Variants in KL observed in about 807,000 individuals in gnomAD.
KL encodes the protein klotho.
A neutral mutation model predicts 84.2 loss-of-function variants in KL; 62 were observed. The observed-to-expected ratio is 0.74, with a 90% confidence interval of 0.60 to 0.91. The LOEUF (loss-of-function observed/expected upper bound fraction) is 0.91, where lower values mean the gene tolerates loss of function less well. Ranked by LOEUF, KL falls within the 40% of genes least tolerant of loss-of-function variation. The pLI, the probability that KL is intolerant of heterozygous loss-of-function variation, is 0.00. For synonymous variants in KL, 528 were observed against 528.0 expected, an observed-to-expected ratio of 1.00 and a Z score of 0.00; for missense variants, 1,261 against 1,305.7, an observed-to-expected ratio of 0.97 and a Z score of 0.53.
rs143451760 is a variant in KL at position 33,024,785 on chromosome 13, C to T, written c.819+7526C>T. On this transcript the variant is annotated intron_variant, in intron 1 of 4. Coordinates refer to ENST00000380099, the MANE Select transcript of KL (RefSeq NM_004795.4). ...CATAGAGACCTGTGTCCCCTTGTTC[C>T]CATCAGGCCTTTATGCCAGCCCTGC... 5.3e-5 allele frequency among the ~76,000 whole-genome samples: 8 copies of T among 152,300 alleles called. No individual in the cohort carries two copies. The East Asian group carries it at 1.5e-3, about 29-fold the overall frequency.
Position 33,055,458 on chromosome 13 carries a change from A to G in KL, c.1599+143A>G, listed in dbSNP as rs568716870. The G allele has an allele frequency of 6.5e-5, 62 of 951,850 alleles. 1 individual carries two copies. Among genetic ancestry groups the G allele is most frequent in the African/African-American group, 6.3e-4 (39 of 61,966 alleles). 59.0% of individuals were successfully genotyped at this position (951,850 alleles called of 1,614,324 possible). A position where few individuals can be genotyped will look rare whatever the true frequency, so the allele number is the denominator to read the frequency against. On this transcript the variant is annotated intron_variant, in intron 3 of 4. Coordinates refer to ENST00000380099, the MANE Select transcript of KL (RefSeq NM_004795.4). The stretch of plus-strand genomic sequence containing the variant: ...TCCTTATGAGTACACTAAGGGCACA[A>G]TTTGGAATGCTGCACCCTTCTCTCC...
At chr13:33,017,619 T>C (rs1319194926) in intron 1 of KL, among the ~76,000 whole-genome samples, 2 of 152,178 alleles carry the variant, frequency 1.3e-5, no homozygotes, top group African/African-American at 4.8e-5. Flanking sequence ...GCAGGGTGGA[T>C]GAAAGAAACA....
chr13:33,060,889 C>T lies in KL; in HGVS notation c.1810C>T (p.Pro604Ser), dbSNP rs2138242649. The change falls in exon 4 of 5, where the codon CCT (proline) becomes TCT (serine). Residue 604 changes from proline to serine, a missense_variant. Coordinates refer to ENST00000380099, the MANE Select transcript of KL (RefSeq NM_004795.4). ...RFSLDWALIL[P>S]LGNQSQVNHT... ...CTCCCTGGACTGGGCCCTGATTCTCCCTCTGGGTAACCAGTCCCAGGTGAA... is the reference window on the plus strand; with the variant it reads ...CTCCCTGGACTGGGCCCTGATTCTCTCTCTGGGTAACCAGTCCCAGGTGAA... The T allele has an allele frequency of 6.2e-7, 1 of 1,614,224 alleles. No homozygotes were observed. Among genetic ancestry groups the T allele is most frequent in the East Asian group, 2.2e-5 (1 of 44,876 alleles).
chr13:33,061,683 G>C lies in KL; in HGVS notation c.2604G>C (p.Met868Ile), dbSNP rs374483654. The stretch of plus-strand genomic sequence containing the variant: ...AGTTCAAGTACGGAGACCTCCCCAT[G>C]TACATAATATCCAATGGAATCGATG... The part of the protein sequence containing the change: ...WLKFKYGDLP[M>I]YIISNGIDDG... The change falls in exon 4 of 5, where the codon ATG becomes ATC. Residue 868 changes from methionine (M) to isoleucine (I), a missense_variant. Coordinates refer to ENST00000380099, the MANE Select transcript of KL (RefSeq NM_004795.4). 1.1e-5 allele frequency: 17 copies of C among 1,614,090 alleles called. No individual in the cohort carries two copies. In the African/African-American group the frequency reaches 1.5e-4, roughly 14 times the overall value.
At chr13:33,059,659 G>A (rs1024937955) in intron 3 of KL, among the ~76,000 whole-genome samples, 10 of 152,142 alleles carry the variant, frequency 6.6e-5, no homozygotes, top group African/African-American at 9.7e-5. Context: ...TTTTAGTAGA[G>A]ATGGGGTTTC....
chr13:33,033,528 A>ATT (rs34137152), intron 1 of KL, among the ~76,000 whole-genome samples: 1 of 150,992 alleles, frequency 6.6e-6, no homozygotes, highest in Non-Finnish European at 1.5e-5. Context: ...TTGGGGCATT[A>ATT]TTTTTTTTTA....
intron 1 of KL, among the ~76,000 whole-genome samples, chr13:33,024,360 T>C (rs1593789752): frequency 6.6e-6 from 1 of 152,140 alleles, no homozygotes. Context: ...CAGGATAAGG[T>C]GGAGGAGAGG....
chr13:33,024,894 C>A (rs76737333), intron 1 of KL, among the ~76,000 whole-genome samples: 1,563 of 152,276 alleles, frequency 0.01, 19 homozygotes, highest in Non-Finnish European at 0.014. Flanking sequence ...AAACACAACT[C>A]AGCGTGGACA....
intron 1 of KL, among the ~76,000 whole-genome samples, chr13:33,025,395 C>T (rs1220575294): frequency 6.6e-6 from 1 of 152,176 alleles, no homozygotes; most frequent in Non-Finnish European, 1.5e-5. Flanking sequence ...ATGGGCACAG[C>T]TGTGTTTCAA....
At chr13:33,041,022 T>C (rs1428676775) in intron 1 of KL, among the ~76,000 whole-genome samples, 1 of 152,204 alleles carries the variant, frequency 6.6e-6, no homozygotes, top group Non-Finnish European at 1.5e-5. Flanking sequence ...GCCTGGACCA[T>C]TGCAATAGTT....
intron 3 of KL, among the ~76,000 whole-genome samples, chr13:33,060,263 G>GT (rs1020595035): frequency 6.6e-6 from 1 of 152,084 alleles, no homozygotes; most frequent in African/African-American, 2.4e-5. Flanking sequence ...CACATTTTAA[G>GT]TTTTTTCTTT....
intron 1 of KL, among the ~76,000 whole-genome samples, chr13:33,030,047 G>A (rs505143): frequency 0.31 from 47,545 of 151,792 alleles, 8,702 homozygotes; most frequent in Admixed American, 0.43. Context: ...TCCCATGGTG[G>A]AAGGTGAGAG....
Position 33,060,869 on chromosome 13 carries a change from T to G in KL, c.1790T>G (p.Leu597Arg), listed in dbSNP as rs1168205067. 2 of 1,614,092 alleles carry G rather than the reference T, an allele frequency of 1.2e-6. No homozygotes were observed. Among genetic ancestry groups the G allele is most frequent in the Non-Finnish European group, 1.7e-6 (2 of 1,180,018 alleles). The change falls in exon 4 of 5, where the codon CTG (leucine) becomes CGG (arginine). Residue 597 changes from leucine (L) to arginine (R), a missense_variant. Coordinates refer to ENST00000380099, the MANE Select transcript of KL (RefSeq NM_004795.4). ...EMHVTHFRFS[L>R]DWALILPLGN... ...CACGTTACACATTTTCGCTTCTCCC[T>G]GGACTGGGCCCTGATTCTCCCTCTG...
intron 1 of KL, among the ~76,000 whole-genome samples, chr13:33,053,334 C>T (rs1318995852): frequency 6.6e-6 from 1 of 152,166 alleles, no homozygotes; most frequent in Non-Finnish European, 1.5e-5. Context: ...TGAAAACTCC[C>T]AGTCTCAGGA....
chr13:33,054,715 T>C (rs1486999915), intron 2 of KL, among the ~76,000 whole-genome samples: 1 of 152,218 alleles, frequency 6.6e-6, no homozygotes, highest in Non-Finnish European at 1.5e-5. Context: ...TATTTATTTA[T>C]TGCATCAGAC....
rs1412162066 is a variant in KL at position 33,058,090 on chromosome 13, T to C, written c.1600-2589T>C. ...GACCCACTTTCTCGGCTGAGAGGTT[T>C]GTTTTCCCATAACCACGGATGCTCA... On this transcript the variant is annotated intron_variant, in intron 3 of 4. Coordinates refer to ENST00000380099, the MANE Select transcript of KL (RefSeq NM_004795.4). Among the ~76,000 whole-genome samples the C allele has an allele frequency of 2.6e-5, 4 of 152,276 alleles. No individual in the cohort carries two copies. In the East Asian group the frequency reaches 7.7e-4, roughly 29 times the overall value.
chr13:33,058,337 C>CTT (rs111566246), intron 3 of KL, among the ~76,000 whole-genome samples: 2 of 136,976 alleles, frequency 1.5e-5, no homozygotes, highest in Non-Finnish European at 3.3e-5. Flanking sequence ...CCTGTATTTT[C>CTT]TTTTTTTTTT....
chr13:33,023,288 A>C (rs901668549), intron 1 of KL, among the ~76,000 whole-genome samples: 1 of 152,232 alleles, frequency 6.6e-6, no homozygotes, highest in Non-Finnish European at 1.5e-5. Context: ...GAGAATTAAA[A>C]GCACCTTATA....
intron 1 of KL, among the ~76,000 whole-genome samples, chr13:33,024,841 C>A (rs1870706552): frequency 6.6e-6 from 1 of 152,218 alleles, no homozygotes. Context: ...AGGGGCGTCT[C>A]ACTCCCGACT....
Sources: allele counts gnomAD v4.1 joint callset (sites outside exome capture counted in the v4.1 genomes callset), GRCh38; gene constraint gnomAD v4.1.1; transcripts MANE v1.5; gene names NCBI Gene and HGNC (gene_info 2026-07-23, HGNC 2026-07-21).